Variants in PLEKHA5 observed in about 807,000 individuals in gnomAD.
The protein encoded by PLEKHA5 is pleckstrin homology domain-containing family A member 5.
In PLEKHA5, 55 loss-of-function variants were observed where a neutral mutation model predicts 181.9. The ratio of observed to expected loss-of-function variants is 0.30; its 90% confidence interval spans 0.24 to 0.38. PLEKHA5 has a LOEUF of 0.38. PLEKHA5 is among the 10% of genes least tolerant of loss of function. The probability of loss-of-function intolerance (pLI) is 1.00; values close to 1 mark genes in which losing one functional copy is unlikely to be tolerated. For missense variants in PLEKHA5, 1,432 were observed against 1,549.5 expected (o/e 0.92, Z 1.27); for synonymous variants, 535 against 529.4 (o/e 1.01, Z -0.15).
chr12:19,139,271 G>T (rs907133455), intron 3 of PLEKHA5, among the ~76,000 whole-genome samples: 1 of 152,204 alleles, frequency 6.6e-6, no homozygotes, highest in Non-Finnish European at 1.5e-5. Context: ...AGGAGTAGGT[G>T]TGGGAGGGGG....
rs550639789 is a variant in PLEKHA5 at position 19,278,876 on chromosome 12, G to T, written c.1313+3893G>T. On this transcript the variant is annotated intron_variant, in intron 11 of 31. Coordinates refer to ENST00000429027, the MANE Select transcript of PLEKHA5 (RefSeq NM_001256470.2). ...AGCGGTTCTTGTCTGGAGACATTTCGTTCAATTTTGAACAACCTCTTTTTG... is the reference window on the plus strand; with the variant it reads ...AGCGGTTCTTGTCTGGAGACATTTCTTTCAATTTTGAACAACCTCTTTTTG... Among the ~76,000 whole-genome samples, 9 of 152,258 alleles carry T rather than the reference G, an allele frequency of 5.9e-5. No homozygotes were observed. The South Asian group carries it at 1.9e-3, about 32-fold the overall frequency.
chr12:19,204,284 A>G (rs1042279157), intron 3 of PLEKHA5, among the ~76,000 whole-genome samples: 1 of 151,974 alleles, frequency 6.6e-6, no homozygotes, highest in African/African-American at 2.4e-5. Context: ...GGTCAGCCCC[A>G]CTCTGTCAGT....
In PLEKHA5 at chr12:19,320,545, T is replaced by C. The variant is rs1345891891; in HGVS notation, c.2155-17T>C. On this transcript the variant is annotated splice_polypyrimidine_tract_variant and intron_variant, in intron 17 of 31. Transcript: ENST00000429027. ...AAATAAGATTTTTTAAGTTGCTATA[T>C]GATTTTTTTCTTATAGCTGTCACAA... 1 of 1,320,220 alleles carries C rather than the reference T, an allele frequency of 7.6e-7. No homozygotes were observed. 81.8% of individuals were successfully genotyped at this position (1,320,220 alleles called of 1,614,324 possible). A position where few individuals can be genotyped will look rare whatever the true frequency, so the allele number is the denominator to read the frequency against.
intron 20 of PLEKHA5, among the ~76,000 whole-genome samples, chr12:19,327,918 T>C (rs1220214725): frequency 6.6e-6 from 1 of 152,188 alleles, no homozygotes; most frequent in Non-Finnish European, 1.5e-5. Context: ...ATACTGGGAT[T>C]ACAGGCGTGA....
At chr12:19,362,859 G>A (rs1236526994) in intron 29 of PLEKHA5, among the ~76,000 whole-genome samples, 3 of 151,610 alleles carry the variant, frequency 2.0e-5, no homozygotes, top group African/African-American at 4.8e-5. Flanking sequence ...CTATGCAGTC[G>A]GCCCTCCATA....
At chr12:19,292,463 T>C (rs1360190580) in intron 15 of PLEKHA5, among the ~76,000 whole-genome samples, 1 of 151,942 alleles carries the variant, frequency 6.6e-6, no homozygotes, top group Admixed American at 6.6e-5. Flanking sequence ...GGAAGGAAGA[T>C]GGGTGAAGTG....
At chr12:19,284,473 G>A (rs2076824054) in intron 12 of PLEKHA5, among the ~76,000 whole-genome samples, 1 of 152,154 alleles carries the variant, frequency 6.6e-6, no homozygotes. Context: ...TGTTGTTCAT[G>A]AGGATAAAAG....
At chr12:19,346,210 T>C (rs2094322070) in intron 23 of PLEKHA5, among the ~76,000 whole-genome samples, 1 of 152,196 alleles carries the variant, frequency 6.6e-6, no homozygotes, top group South Asian at 2.1e-4. Flanking sequence ...GGATGATCGA[T>C]AGATAAGTTG....
intron 3 of PLEKHA5, among the ~76,000 whole-genome samples, chr12:19,189,339 A>C (rs887920461): frequency 2.6e-5 from 4 of 152,204 alleles, no homozygotes; most frequent in African/African-American, 9.7e-5. Context: ...GAAAGATGGT[A>C]AATAGATGAA....
chr12:19,173,065 G>A (rs4372509), intron 3 of PLEKHA5, among the ~76,000 whole-genome samples: 12,067 of 118,924 alleles, frequency 0.1, 687 homozygotes, highest in Admixed American at 0.22. Context: ...CGCCCAGGCC[G>A]GACTGCGGAC....
intron 16 of PLEKHA5, among the ~76,000 whole-genome samples, chr12:19,317,222 C>A (rs1175590442): frequency 6.6e-6 from 1 of 152,004 alleles, no homozygotes. Context: ...AAAAAATTAG[C>A]CAGGCATGGT....
intron 20 of PLEKHA5, among the ~76,000 whole-genome samples, chr12:19,324,829 G>A (rs2091728727): frequency 6.6e-6 from 1 of 152,240 alleles, no homozygotes; most frequent in Admixed American, 6.5e-5. Context: ...GATTAGAAAG[G>A]GAAAATGGGG....
chr12:19,306,823 CTG>C (rs1440727727), intron 15 of PLEKHA5: 11 of 812,170 alleles, frequency 1.4e-5, no homozygotes, highest in Non-Finnish European at 2.4e-5. Context: ...CTGACAAACA[CTG>C]TATTCCTTGA....
chr12:19,177,368 C>T (rs904709820), intron 3 of PLEKHA5, among the ~76,000 whole-genome samples: 4 of 152,228 alleles, frequency 2.6e-5, no homozygotes, highest in Non-Finnish European at 2.9e-5. Context: ...CTACCAGACA[C>T]GTGGTAGAAA....
chr12:19,157,785 C>T (rs112606546), intron 3 of PLEKHA5, among the ~76,000 whole-genome samples: 2 of 152,174 alleles, frequency 1.3e-5, no homozygotes, highest in African/African-American at 4.8e-5. Context: ...CAGCATTCTA[C>T]CCAAAAAGAT....
Position 19,180,917 on chromosome 12 carries a change from A to T in PLEKHA5, c.227+48467A>T, listed in dbSNP as rs563369466. 4.6e-5 allele frequency among the ~76,000 whole-genome samples: 7 copies of T among 152,126 alleles called. No homozygotes were observed. The South Asian group carries it at 1.5e-3, about 32-fold the overall frequency. ...TAAGCTCACCCGAGACCCAAGTCAGACACCTCTGGTGTGGAGCCTGGGGAT... is the reference window on the plus strand; with the variant it reads ...TAAGCTCACCCGAGACCCAAGTCAGTCACCTCTGGTGTGGAGCCTGGGGAT... On this transcript the variant is annotated intron_variant, in intron 3 of 31. Transcript: ENST00000429027.
chr12:19,374,455 C>G (rs987458272), intron 31 of PLEKHA5, among the ~76,000 whole-genome samples: 1 of 147,562 alleles, frequency 6.8e-6, no homozygotes, highest in Non-Finnish European at 1.5e-5. Flanking sequence ...GTCAGGAGAT[C>G]GAGACCATTG....
chr12:19,276,548 A>T (rs1592290107), intron 11 of PLEKHA5, among the ~76,000 whole-genome samples: 1 of 152,170 alleles, frequency 6.6e-6, no homozygotes, highest in East Asian at 1.9e-4. Flanking sequence ...AAGATTAGCC[A>T]GACATTTTAG....
intron 3 of PLEKHA5, among the ~76,000 whole-genome samples, chr12:19,249,962 C>G (rs971406220): frequency 1.2e-4 from 18 of 152,134 alleles, no homozygotes; most frequent in African/African-American, 4.3e-4. Flanking sequence ...CACTGCTGAC[C>G]TTTCTGGAGG....
Sources: gnomAD v4.1 joint callset for allele counts (sites outside exome capture counted in the v4.1 genomes callset) on GRCh38, gnomAD v4.1.1 for gene constraint, MANE v1.5 for transcripts, NCBI Gene and HGNC (gene_info 2026-07-23, HGNC 2026-07-21) for gene names.